Variants in ZFAND3 observed in about 807,000 individuals in gnomAD.
The protein encoded by ZFAND3 is AN1-type zinc finger protein 3.
A neutral mutation model predicts 29.6 loss-of-function variants in ZFAND3; 10 were observed. The observed-to-expected ratio is 0.34, with a 90% confidence interval of 0.21 to 0.57. ZFAND3 has a LOEUF of 0.57. Ranked by LOEUF, ZFAND3 falls within the 20% of genes least tolerant of loss-of-function variation. The pLI, the probability that ZFAND3 is intolerant of heterozygous loss-of-function variation, is 0.86. For missense variants in ZFAND3, 230 were observed against 304.5 expected, an observed-to-expected ratio of 0.76 and a Z score of 1.82; for synonymous variants, 128 against 112.6, an observed-to-expected ratio of 1.14 and a Z score of -0.87.
intron 1 of ZFAND3, among the ~76,000 whole-genome samples, chr6:37,896,592 T>G (rs897458996): frequency 1.7e-5 from 2 of 118,908 alleles, no homozygotes; most frequent in African/African-American, 3.3e-5. Context: ...CTCTTTCTCT[T>G]TTTCTTTCTC....
intron 1 of ZFAND3, among the ~76,000 whole-genome samples, chr6:37,874,514 C>A (rs1255472899): frequency 9.5e-3 from 754 of 79,188 alleles, no homozygotes; most frequent in East Asian, 0.019. Context: ...AACTCCGTCT[C>A]AAAAAAAAAA....
chr6:37,893,843 C>T (rs931002345), intron 1 of ZFAND3, among the ~76,000 whole-genome samples: 2 of 139,770 alleles, frequency 1.4e-5, no homozygotes, highest in East Asian at 1.9e-4. Flanking sequence ...GGTGAGCCAC[C>T]GCGCCCGGCC....
At chr6:38,133,211 G>A (rs1765775562) in intron 5 of ZFAND3, among the ~76,000 whole-genome samples, 3 of 152,188 alleles carry the variant, frequency 2.0e-5, no homozygotes, top group Admixed American at 2.0e-4. Flanking sequence ...TATTGAAATT[G>A]TCTGTTTACA....
chr6:38,090,369 T>C (rs1295998859), intron 4 of ZFAND3, among the ~76,000 whole-genome samples: 5 of 152,154 alleles, frequency 3.3e-5, no homozygotes, highest in African/African-American at 1.2e-4. Flanking sequence ...AATGTAACCA[T>C]TGAAGAAAGA....
At chr6:37,896,409 T>C (rs1765203802) in intron 1 of ZFAND3, among the ~76,000 whole-genome samples, 1 of 152,152 alleles carries the variant, frequency 6.6e-6, no homozygotes, top group Non-Finnish European at 1.5e-5. Context: ...CCAACTTTAT[T>C]GTACCATGGT....
At chr6:38,051,712 A>T (rs986254567) in intron 2 of ZFAND3, among the ~76,000 whole-genome samples, 1 of 152,260 alleles carries the variant, frequency 6.6e-6, no homozygotes, top group South Asian at 2.1e-4. Context: ...CGCACACAGC[A>T]TAAAGTGCAT....
At chr6:37,884,494 CAAAA>C (rs58015486) in intron 1 of ZFAND3, among the ~76,000 whole-genome samples, 737 of 53,848 alleles carry the variant, frequency 0.014, 7 homozygotes, top group Non-Finnish European at 0.018. Context: ...AACTCTAGCT[CAAAA>C]AAAAAAAAAA....
At chr6:37,965,254 C>G (rs1762272514) in intron 2 of ZFAND3, among the ~76,000 whole-genome samples, 1 of 151,984 alleles carries the variant, frequency 6.6e-6, no homozygotes, top group South Asian at 2.1e-4. Flanking sequence ...TTGTTTAGAC[C>G]AGTAACTACT....
intron 2 of ZFAND3, among the ~76,000 whole-genome samples, chr6:38,010,352 TC>T (rs1181743134): frequency 1.3e-5 from 2 of 152,094 alleles, no homozygotes; most frequent in East Asian, 1.9e-4. Flanking sequence ...TTGATTTTTT[TC>T]CCCCCTTACC....
At chr6:37,898,673 A>G (rs1185483814) in intron 1 of ZFAND3, among the ~76,000 whole-genome samples, 1 of 152,106 alleles carries the variant, frequency 6.6e-6, no homozygotes, top group Non-Finnish European at 1.5e-5. Flanking sequence ...CATCTTTTAG[A>G]TTTATTTCTT....
chr6:37,929,889 C>G (rs1761561923), intron 1 of ZFAND3, 70 bp from the exon 2 acceptor site: 26 of 1,446,380 alleles, frequency 1.8e-5, no homozygotes, highest in Non-Finnish European at 2.3e-5. Context: ...TTTCTGACAT[C>G]TTATGTTTTG....
intron 2 of ZFAND3, 88 bp downstream of exon 2, chr6:37,930,087 C>A (rs1210099545): frequency 6.1e-6 from 8 of 1,311,232 alleles, no homozygotes; most frequent in Non-Finnish European, 8.2e-6. Context: ...ATCATTTGAC[C>A]CTAAAGGATT....
At chr6:38,053,577 G>A (rs1255797255) in intron 2 of ZFAND3, among the ~76,000 whole-genome samples, 1 of 152,050 alleles carries the variant, frequency 6.6e-6, no homozygotes, top group Non-Finnish European at 1.5e-5. Flanking sequence ...GCAGCTACTC[G>A]GGAGGCTGAG....
At chr6:37,829,083 C>T (rs1366473556) in intron 1 of ZFAND3, among the ~76,000 whole-genome samples, 1 of 152,130 alleles carries the variant, frequency 6.6e-6, no homozygotes, top group Non-Finnish European at 1.5e-5. Context: ...TTACTGCATG[C>T]AGTTTAGTTT....
chr6:38,009,648 T>C (rs1265451426), intron 2 of ZFAND3, among the ~76,000 whole-genome samples: 1 of 152,182 alleles, frequency 6.6e-6, no homozygotes, highest in African/African-American at 2.4e-5. Context: ...TAATTTATAT[T>C]GAAGGAGGTT....
chr6:38,150,866 G>A (rs1329554156), intron 5 of ZFAND3, among the ~76,000 whole-genome samples: 39 of 152,308 alleles, frequency 2.6e-4, no homozygotes, highest in Non-Finnish European at 1.5e-5. Flanking sequence ...CAGACAGGGA[G>A]AACAGGTTTA....
rs1764211200 is a variant in ZFAND3 at position 38,060,382 on chromosome 6, T to C, written c.113-1211T>C. 3.3e-5 allele frequency among the ~76,000 whole-genome samples: 5 copies of C among 151,764 alleles called. No homozygotes were observed. In the South Asian group the frequency reaches 1.0e-3, roughly 32 times the overall value. On this transcript the variant is annotated intron_variant, in intron 2 of 5. Transcript: ENST00000287218. Reference sequence around the variant, plus strand: ...TCATCCTCTCCTCTCCCCTCCCGTTTTTCTTTTTCTTTCCTTTTCCTTTCT... The same window carrying C: ...TCATCCTCTCCTCTCCCCTCCCGTTCTTCTTTTTCTTTCCTTTTCCTTTCT...
chr6:38,129,353 G>A (rs146473056), intron 5 of ZFAND3, among the ~76,000 whole-genome samples: 65 of 152,152 alleles, frequency 4.3e-4, no homozygotes, highest in African/African-American at 1.5e-3. Flanking sequence ...TTTATTTTTG[G>A]TTTTATTGCA....
chr6:37,911,080 A>G lies in ZFAND3; in HGVS notation c.72-18879A>G, dbSNP rs553875271. ...ACGCAGAAGTGGAATTGCTGGCTCA[A>G]TTCCACTGGTAGTTCTATTTTTAAT... On this transcript the variant is annotated intron_variant, in intron 1 of 5. Transcript: ENST00000287218. 5.3e-4 allele frequency among the ~76,000 whole-genome samples: 81 copies of G among 152,320 alleles called. 1 individual carries two copies. The highest frequency in any genetic ancestry group is 4.5e-3 in the Admixed American group (69 of 15,300).
Sources: gnomAD v4.1 joint callset for allele counts (sites outside exome capture counted in the v4.1 genomes callset) on GRCh38, gnomAD v4.1.1 for gene constraint, MANE v1.5 for transcripts, NCBI Gene and HGNC (gene_info 2026-07-23, HGNC 2026-07-21) for gene names.